Variants in GHR observed in about 807,000 individuals in gnomAD.
GHR encodes the protein GH receptor.
A neutral mutation model predicts 67.1 loss-of-function variants in GHR; 35 were observed. The observed-to-expected ratio is 0.52, with a 90% confidence interval of 0.40 to 0.69. The LOEUF is 0.69. Ranked by LOEUF, GHR falls within the 30% of genes least tolerant of loss-of-function variation. The pLI is 0.00. For missense variants in GHR, 792 were observed against 764.6 expected (o/e 1.04, Z -0.42); for synonymous variants, 272 against 269.1 (o/e 1.01, Z -0.10).
At chr5:42,482,107 C>T (rs1745669154) in intron 1 of GHR, among the ~76,000 whole-genome samples, 1 of 152,204 alleles carries the variant, frequency 6.6e-6, no homozygotes, top group Non-Finnish European at 1.5e-5. Context: ...ACAGACAGGA[C>T]CCTCAGCTGC....
chr5:42,578,557 C>T (rs1750895014), intron 2 of GHR, among the ~76,000 whole-genome samples: 2 of 151,944 alleles, frequency 1.3e-5, no homozygotes, highest in Non-Finnish European at 2.9e-5. Flanking sequence ...TATGGGAACC[C>T]CAAGAAAGAA....
chr5:42,673,949 G>T (rs34899335), intron 3 of GHR, among the ~76,000 whole-genome samples: 1,799 of 152,194 alleles, frequency 0.012, 35 homozygotes, highest in African/African-American at 0.041. Context: ...TTTTTAAAAG[G>T]ATAGAAACTA....
chr5:42,505,462 A>T (rs1746732223), intron 1 of GHR, among the ~76,000 whole-genome samples: 1 of 152,080 alleles, frequency 6.6e-6, no homozygotes, highest in Non-Finnish European at 1.5e-5. Flanking sequence ...AAAAAAAAAA[A>T]TAGGTAACAT....
At chr5:42,551,799 T>A (rs1158865509) in intron 1 of GHR, among the ~76,000 whole-genome samples, 1 of 152,212 alleles carries the variant, frequency 6.6e-6, no homozygotes, top group East Asian at 1.9e-4. Flanking sequence ...ATTTTGATGA[T>A]GATGCTCCAT....
intron 2 of GHR, among the ~76,000 whole-genome samples, chr5:42,618,411 G>A (rs1338739099): frequency 6.6e-6 from 1 of 152,094 alleles, no homozygotes; most frequent in Non-Finnish European, 1.5e-5. Context: ...TGCTAAGACT[G>A]CTAATTAATT....
chr5:42,522,822 G>A (rs1247097214), intron 1 of GHR, among the ~76,000 whole-genome samples: 1 of 152,138 alleles, frequency 6.6e-6, no homozygotes. Context: ...CTTACCTTGT[G>A]GTGAGGTGGT....
At chr5:42,547,140 A>T (rs1456754479) in intron 1 of GHR, among the ~76,000 whole-genome samples, 1 of 152,212 alleles carries the variant, frequency 6.6e-6, no homozygotes, top group East Asian at 1.9e-4. Context: ...TATTAAAATG[A>T]ATTTTCCCCT....
intron 3 of GHR, among the ~76,000 whole-genome samples, chr5:42,679,496 G>T (rs369219992): frequency 6.6e-6 from 1 of 151,814 alleles, no homozygotes. Context: ...ACGGTGGCAC[G>T]CACCTGTAGT....
intron 1 of GHR, chr5:42,465,616 T>TG (rs1180757991): frequency 1.6e-5 from 17 of 1,057,428 alleles, no homozygotes; most frequent in African/African-American, 1.2e-4. Flanking sequence ...TGGGGGACTC[T>TG]GTTAATTCAT....
intron 1 of GHR, among the ~76,000 whole-genome samples, chr5:42,550,611 T>G (rs1446919224): frequency 6.6e-6 from 1 of 152,192 alleles, no homozygotes; most frequent in Non-Finnish European, 1.5e-5. Context: ...ACTTCACACA[T>G]CTCAATCTCT....
intron 3 of GHR, chr5:42,646,344 G>A (rs1754727038): frequency 4.4e-6 from 2 of 454,858 alleles, no homozygotes; most frequent in Non-Finnish European, 8.8e-6. Flanking sequence ...TGGGGTCCAT[G>A]CTCACATATC....
intron 4 of GHR, among the ~76,000 whole-genome samples, chr5:42,691,183 G>A (rs1218689112): frequency 6.6e-6 from 1 of 152,190 alleles, no homozygotes; most frequent in East Asian, 1.9e-4. Flanking sequence ...ACTGGGTAAA[G>A]GGAAACGTTC....
intron 1 of GHR, among the ~76,000 whole-genome samples, chr5:42,510,963 G>C (rs1746990025): frequency 6.6e-6 from 1 of 152,186 alleles, no homozygotes; most frequent in African/African-American, 2.4e-5. Flanking sequence ...TTATAATTCT[G>C]TTCTTGCTAT....
chr5:42,474,003 C>G (rs1453824185), intron 1 of GHR, among the ~76,000 whole-genome samples: 1 of 151,702 alleles, frequency 6.6e-6, no homozygotes. Context: ...GCTTGGCCAA[C>G]ATGGCGAAAC....
chr5:42,503,989 T>C (rs1361520586), intron 1 of GHR, among the ~76,000 whole-genome samples: 2 of 152,080 alleles, frequency 1.3e-5, no homozygotes, highest in African/African-American at 4.8e-5. Flanking sequence ...ACTGTGGCCA[T>C]AGCACTGATT....
At chr5:42,584,818 T>G (rs1410550342) in intron 2 of GHR, among the ~76,000 whole-genome samples, 1 of 151,224 alleles carries the variant, frequency 6.6e-6, no homozygotes, top group Non-Finnish European at 1.5e-5. Flanking sequence ...CACACACACG[T>G]GCATGTACAG....
At chr5:42,632,460 G>T (rs1227032512) in intron 3 of GHR, among the ~76,000 whole-genome samples, 2 of 152,170 alleles carry the variant, frequency 1.3e-5, no homozygotes, top group African/African-American at 4.8e-5. Context: ...ACAACCTAAA[G>T]AATCACCTCT....
rs569703486 is a variant in GHR at position 42,711,124 on chromosome 5, A to G, written c.619-83A>G. 1.4e-5 allele frequency: 14 copies of G among 991,914 alleles called. No homozygotes were observed. In the African/African-American group the frequency reaches 2.2e-4, roughly 16 times the overall value. 61.4% of individuals were successfully genotyped at this position (991,914 alleles called of 1,614,324 possible). A position where few individuals can be genotyped will look rare whatever the true frequency, so the allele number is the denominator to read the frequency against. The stretch of plus-strand genomic sequence containing the variant: ...TACTTTATAAAAATCCATTCTGAAT[A>G]AAAATGGGAGAATACCTGTAGTGTT... On this transcript the variant is annotated intron_variant, in intron 6 of 9. Coordinates refer to ENST00000230882, the MANE Select transcript of GHR (RefSeq NM_000163.5).
intron 7 of GHR, among the ~76,000 whole-genome samples, chr5:42,712,651 A>T (rs1376623377): frequency 3.9e-5 from 6 of 152,018 alleles, no homozygotes; most frequent in Non-Finnish European, 2.9e-5. Flanking sequence ...TCATTTTTAT[A>T]AAAAAGTGGT....
Sources: allele counts gnomAD v4.1 joint callset (sites outside exome capture counted in the v4.1 genomes callset), GRCh38; gene constraint gnomAD v4.1.1; transcripts MANE v1.5; gene names NCBI Gene and HGNC (gene_info 2026-07-23, HGNC 2026-07-21).